C1orf159: variants seen among roughly 807,000 people sequenced by gnomAD.
C1orf159 encodes uncharacterized protein C1orf159.
In C1orf159, 19 loss-of-function variants were observed where a neutral mutation model predicts 25.6. That is an observed-to-expected ratio of 0.74 (90% CI 0.52 to 1.09). C1orf159 has a LOEUF of 1.09. Ranked by LOEUF, C1orf159 falls within the 50% of genes least tolerant of loss-of-function variation. C1orf159 has a pLI of 0.00. For missense variants in C1orf159, 274 were observed against 290.6 expected, an observed-to-expected ratio of 0.94 and a Z score of 0.42; for synonymous variants, 139 against 124.7, an observed-to-expected ratio of 1.12 and a Z score of -0.77.
chr1:1,104,451 T>G (rs1038988694), intron 1 of C1orf159, among the ~76,000 whole-genome samples: 2 of 152,216 alleles, frequency 1.3e-5, no homozygotes, highest in African/African-American at 4.8e-5. Context: ...CTCAGGGAGC[T>G]GTTTTTCATA....
intron 1 of C1orf159, among the ~76,000 whole-genome samples, chr1:1,105,504 T>TG (rs1646158589): frequency 6.6e-6 from 1 of 150,474 alleles, no homozygotes; most frequent in African/African-American, 2.5e-5. Flanking sequence ...AGACCCCATC[T>TG]CAAAAAAAAA....
chr1:1,103,860 G>A (rs1338493576), intron 1 of C1orf159, among the ~76,000 whole-genome samples: 5 of 152,114 alleles, frequency 3.3e-5, no homozygotes, highest in South Asian at 4.1e-4. Context: ...CCCAGGTAAC[G>A]TCCTTTTCTT....
Position 1,097,584 on chromosome 1 carries a change from A to ATTT in C1orf159, c.-135-5484_-135-5482dup, listed in dbSNP as rs71576596. 1.2e-3 allele frequency among the ~76,000 whole-genome samples: 154 copies of ATTT among 126,530 alleles called. 5 individuals are homozygous for ATTT. Among genetic ancestry groups the ATTT allele is most frequent in the East Asian group, 5.2e-3 (23 of 4,460 alleles). 83.0% of individuals were successfully genotyped at this position (126,530 alleles called of 152,430 possible). ...CGAGCCACCACACCCAGCTCATTAA[A>ATTT]TTTTTTTTTTTTTTTTTTTGTAGAG... On this transcript the variant is annotated intron_variant, in intron 1 of 9. Coordinates refer to ENST00000421241, the MANE Select transcript of C1orf159 (RefSeq NM_017891.5).
intron 1 of C1orf159, among the ~76,000 whole-genome samples, chr1:1,113,999 C>T (rs1240676202): frequency 6.6e-6 from 1 of 151,472 alleles, no homozygotes; most frequent in Non-Finnish European, 1.5e-5. Flanking sequence ...TCACTGCAAC[C>T]TCCGCCTCCC....
At chr1:1,109,530 A>C (rs1646229755) in intron 1 of C1orf159, among the ~76,000 whole-genome samples, 1 of 152,010 alleles carries the variant, frequency 6.6e-6, no homozygotes, top group African/African-American at 2.4e-5. Context: ...GCAGTGGTGC[A>C]ATCATAGCTC....
chr1:1,093,127 C>A (rs1645964711), intron 1 of C1orf159, among the ~76,000 whole-genome samples: 1 of 152,160 alleles, frequency 6.6e-6, no homozygotes, highest in Admixed American at 6.5e-5. Flanking sequence ...CACAGACATG[C>A]TGCTCGCCCC....
intron 6 of C1orf159, among the ~76,000 whole-genome samples, 197 bp from the exon 7 acceptor site, chr1:1,086,209 C>A (rs914643031): frequency 6.6e-6 from 1 of 152,256 alleles, no homozygotes; most frequent in Non-Finnish European, 1.5e-5. Context: ...GGGCATCTGG[C>A]CGCGGGGTCT....
intron 4 of C1orf159, 96 bp downstream of exon 4, chr1:1,090,257 G>A (rs1049885983): frequency 1.1e-5 from 14 of 1,248,406 alleles, no homozygotes; most frequent in Non-Finnish European, 1.6e-5. Context: ...CAGCACAGAT[G>A]AGCACTGTCC....
chr1:1,090,433 A>C lies in C1orf159; in HGVS notation c.73-5T>G. On this transcript the variant is annotated splice_region_variant and splice_polypyrimidine_tract_variant and intron_variant, in intron 3 of 9. Transcript: ENST00000421241. ...ACAGCACTCGGGCAGCTGGGCCTGG[A>C]GGGGACACGGCAGTGAAACTCCAGG... 1 of 1,550,362 alleles carries C rather than the reference A, an allele frequency of 6.5e-7. No individual in the cohort carries two copies. The highest frequency in any genetic ancestry group is 8.7e-7 in the Non-Finnish European group (1 of 1,146,876).
intron 8 of C1orf159, 26 bp from the exon 9 acceptor site, chr1:1,084,409 G>A (rs1205505257): frequency 3.2e-6 from 5 of 1,580,660 alleles, no homozygotes; most frequent in Middle Eastern, 1.7e-4. Context: ...AAGGCAGAGT[G>A]AGGACTCGGG....
intron 1 of C1orf159, among the ~76,000 whole-genome samples, chr1:1,099,524 GT>G (rs1646065139): frequency 1.4e-5 from 2 of 140,480 alleles, no homozygotes; most frequent in South Asian, 2.3e-4. Flanking sequence ...GTCTATTGAT[GT>G]TTTTGGTCTA....
chr1:1,094,055 C>T (rs1645977462), intron 1 of C1orf159, among the ~76,000 whole-genome samples: 1 of 151,944 alleles, frequency 6.6e-6, no homozygotes, highest in South Asian at 2.1e-4. Context: ...CATCTTCTGC[C>T]CATTTTGTTT....
At chr1:1,093,766 A>T (rs1046777390) in intron 1 of C1orf159, among the ~76,000 whole-genome samples, 2 of 152,218 alleles carry the variant, frequency 1.3e-5, no homozygotes, top group African/African-American at 4.8e-5. Context: ...AGGTCCTGGC[A>T]CATGTCATCA....
intron 1 of C1orf159, among the ~76,000 whole-genome samples, chr1:1,107,814 G>A (rs1041616767): frequency 1.3e-5 from 2 of 152,116 alleles, no homozygotes; most frequent in Non-Finnish European, 2.9e-5. Context: ...CTCACTCTTT[G>A]GGTCTGCACT....
At chr1:1,096,274 G>A (rs895545989) in intron 1 of C1orf159, among the ~76,000 whole-genome samples, 5 of 152,056 alleles carry the variant, frequency 3.3e-5, no homozygotes, top group Non-Finnish European at 5.9e-5. Flanking sequence ...GCTCACTGCC[G>A]CCTTGAGCTC....
intron 1 of C1orf159, among the ~76,000 whole-genome samples, chr1:1,114,099 C>T (rs1437112152): frequency 7.9e-5 from 12 of 151,938 alleles, no homozygotes; most frequent in Non-Finnish European, 1.3e-4. Flanking sequence ...GTATTTTTAT[C>T]AGAGACGGGG....
At chr1:1,108,202 GCAGCACCGTT>G (rs1239642275) in intron 1 of C1orf159, among the ~76,000 whole-genome samples, 14 of 133,370 alleles carry the variant, frequency 1.0e-4, no homozygotes, top group African/African-American at 4.0e-4. Context: ...CCATGTCTCA[GCAGCACCGTT>G]CACCACAGCC....
chr1:1,110,213 T>C lies in C1orf159; in HGVS notation c.-136+5847A>G, dbSNP rs1027265556. On this transcript the variant is annotated intron_variant, in intron 1 of 9. Coordinates refer to ENST00000421241, the MANE Select transcript of C1orf159 (RefSeq NM_017891.5). This position sits in a 1 kb window ranked among gnomAD's most constrained non-coding sequence, Gnocchi z 4.8. ...CAGTTGTGTCTAAACTGAAAAAGGGTGGCAGTATAACCAGGTGTGTCCAAC... is the reference window on the plus strand; with the variant it reads ...CAGTTGTGTCTAAACTGAAAAAGGGCGGCAGTATAACCAGGTGTGTCCAAC... Among the ~76,000 whole-genome samples the C allele has an allele frequency of 1.3e-5, 2 of 152,124 alleles. No homozygotes were observed. The highest frequency in any genetic ancestry group is 2.9e-5 in the Non-Finnish European group (2 of 68,020).
intron 4 of C1orf159, 61 bp downstream of exon 4, chr1:1,090,292 G>A (rs1645907251): frequency 2.7e-6 from 4 of 1,485,152 alleles, no homozygotes; most frequent in African/African-American, 2.8e-5. Flanking sequence ...AGGGCCCTGG[G>A]CACACACACA....
Sources: allele counts gnomAD v4.1 joint callset (sites outside exome capture counted in the v4.1 genomes callset), GRCh38; gene constraint gnomAD v4.1.1; non-coding constraint Gnocchi (gnomAD v3.1); transcripts MANE v1.5; gene names NCBI Gene and HGNC (gene_info 2026-07-23, HGNC 2026-07-21).